Variants in MAP3K7CL observed in about 807,000 individuals in gnomAD.
The protein encoded by MAP3K7CL is MAP3K7 C-terminal-like protein.
In MAP3K7CL, 16 loss-of-function variants were observed where a neutral mutation model predicts 18.6. That is an observed-to-expected ratio of 0.86 (90% CI 0.58 to 1.31). MAP3K7CL has a LOEUF of 1.31. Among genes scored for constraint, MAP3K7CL ranks in the 50% most tolerant of loss-of-function variants. MAP3K7CL has a pLI of 0.00. For missense variants in MAP3K7CL, 163 were observed against 174.4 expected, an observed-to-expected ratio of 0.93 and a Z score of 0.37; for synonymous variants, 65 against 66.8, an observed-to-expected ratio of 0.97 and a Z score of 0.13.
rs115763148 is a variant in MAP3K7CL at position 29,079,466 on chromosome 21, A to G, written c.-49+1753A>G. ...TCTCTCAGCTTCCCCATACTGTCTC[A>G]CCACTCCCCCCAGAAAGGTCTCTAC... On this transcript the variant is annotated intron_variant, in intron 1 of 7. Transcript: ENST00000341618. 5.8e-3 allele frequency among the ~76,000 whole-genome samples: 880 copies of G among 152,250 alleles called. 6 individuals carry two copies. Among genetic ancestry groups the G allele is most frequent in the African/African-American group, 0.02 (819 of 41,530 alleles).
chr21:29,138,213 C>T (rs750711495), intron 2 of MAP3K7CL, among the ~76,000 whole-genome samples: 3 of 152,178 alleles, frequency 2.0e-5, no homozygotes, highest in Non-Finnish European at 2.9e-5. Context: ...CCATTTTCAG[C>T]CTATCATCAG....
chr21:29,165,697 G>C (rs1396540243), intron 4 of MAP3K7CL, among the ~76,000 whole-genome samples: 1 of 152,076 alleles, frequency 6.6e-6, no homozygotes, highest in African/African-American at 2.4e-5. Context: ...TCAGCTCCCC[G>C]AGTAGCTGGG....
chr21:29,142,638 C>T (rs1450502396), intron 2 of MAP3K7CL, among the ~76,000 whole-genome samples: 1 of 152,206 alleles, frequency 6.6e-6, no homozygotes. Flanking sequence ...CTCCACATTA[C>T]TCCTTTGGTT....
At chr21:29,152,654 C>A (rs1489815052) in intron 3 of MAP3K7CL, among the ~76,000 whole-genome samples, 5 of 152,076 alleles carry the variant, frequency 3.3e-5, no homozygotes, top group African/African-American at 1.2e-4. Context: ...GGATTTAAAT[C>A]CCACCGAAGC....
At chr21:29,113,333 T>C (rs2086451627) in intron 4 of MAP3K7CL, among the ~76,000 whole-genome samples, 1 of 152,228 alleles carries the variant, frequency 6.6e-6, no homozygotes, top group African/African-American at 2.4e-5. Flanking sequence ...TTCTTCCAAC[T>C]CATGCAATAT....
chr21:29,084,046 TA>T (rs1193162792), upstream of MAP3K7CL, among the ~76,000 whole-genome samples: 1 of 147,890 alleles, frequency 6.8e-6, no homozygotes, highest in Non-Finnish European at 1.5e-5. Context: ...TTATATATAA[TA>T]TTATATGTAT....
At chr21:29,094,187 A>G (rs115038930) in intron 4 of MAP3K7CL, among the ~76,000 whole-genome samples, 1,622 of 152,340 alleles carry the variant, frequency 0.011, 38 homozygotes, top group African/African-American at 0.037. Context: ...TGGTACAAGA[A>G]TCTAGTAGCT....
chr21:29,127,556 A>C (rs2086700557), upstream of MAP3K7CL: 1 of 152,260 alleles, frequency 6.6e-6, no homozygotes, highest in Non-Finnish European at 1.5e-5. Context: ...GGTAAATGTT[A>C]ATTGTGACTG....
intron 4 of MAP3K7CL, among the ~76,000 whole-genome samples, chr21:29,110,698 A>G (rs2146558268): frequency 6.6e-6 from 1 of 152,120 alleles, no homozygotes; most frequent in African/African-American, 2.4e-5. Context: ...ACACTCGGCC[A>G]TCTCTGTACC....
chr21:29,113,327 TC>T (rs1339474684), intron 4 of MAP3K7CL, among the ~76,000 whole-genome samples: 2 of 152,256 alleles, frequency 1.3e-5, no homozygotes, highest in African/African-American at 2.4e-5. Context: ...CTTCCTTTCT[TC>T]CAACTCATGC....
At chr21:29,099,333 G>A (rs1475477846) in intron 4 of MAP3K7CL, among the ~76,000 whole-genome samples, 1 of 142,380 alleles carries the variant, frequency 7.0e-6, no homozygotes, top group Non-Finnish European at 1.5e-5. Flanking sequence ...TTGAACTTCC[G>A]GGTTCAAGCC....
At chr21:29,086,700 T>G (rs1319385242) in intron 1 of MAP3K7CL, among the ~76,000 whole-genome samples, 1 of 152,220 alleles carries the variant, frequency 6.6e-6, no homozygotes, top group East Asian at 1.9e-4. Context: ...GGCCAGGTGG[T>G]GATTGGCAAT....
chr21:29,164,087 G>A lies in MAP3K7CL; in HGVS notation c.248+4031G>A, dbSNP rs1460231235. Among the ~76,000 whole-genome samples, 3 of 149,052 alleles carry A rather than the reference G, an allele frequency of 2.0e-5. No homozygotes were observed. The South Asian group carries it at 6.4e-4, about 32-fold the overall frequency. On this transcript the variant is annotated intron_variant, in intron 4 of 4. Coordinates refer to ENST00000399928, the MANE Select transcript of MAP3K7CL (RefSeq NM_001286620.2). ...TGCACTCCAGCCCGGGTGACAGTGCGAGACTCCATTTAAAAAAAAAAAACA... is the reference window on the plus strand; with the variant it reads ...TGCACTCCAGCCCGGGTGACAGTGCAAGACTCCATTTAAAAAAAAAAAACA...
At chr21:29,077,251 C>T (rs904686714), upstream of MAP3K7CL, among the ~76,000 whole-genome samples, 15 of 152,232 alleles carry the variant, frequency 9.9e-5, no homozygotes, top group African/African-American at 3.6e-4. Context: ...CAGCGGGCGG[C>T]GCTCGTCGCG....
intron 4 of MAP3K7CL, among the ~76,000 whole-genome samples, chr21:29,116,595 A>G (rs1036582729): frequency 6.6e-6 from 1 of 152,196 alleles, no homozygotes. Context: ...AAATTTTCCT[A>G]AAGTCTTCCT....
chr21:29,171,823 A>C (rs1051105472), intron 4 of MAP3K7CL, among the ~76,000 whole-genome samples: 2 of 151,518 alleles, frequency 1.3e-5, no homozygotes, highest in Non-Finnish European at 2.9e-5. Flanking sequence ...AAAAAAAAAA[A>C]AAAAAACAAC....
intron 1 of MAP3K7CL, among the ~76,000 whole-genome samples, chr21:29,088,628 T>C (rs2085966997): frequency 6.6e-6 from 1 of 152,232 alleles, no homozygotes; most frequent in African/African-American, 2.4e-5. Flanking sequence ...GCTGTATTTC[T>C]TAAAGCTATT....
upstream of MAP3K7CL, among the ~76,000 whole-genome samples, chr21:29,128,774 A>G (rs1006494139): frequency 2.6e-5 from 4 of 152,224 alleles, no homozygotes; most frequent in African/African-American, 9.6e-5. Context: ...CGGGATGGCA[A>G]TACTGACAAA....
intron 4 of MAP3K7CL, among the ~76,000 whole-genome samples, chr21:29,093,551 G>C (rs371179066): frequency 6.6e-6 from 1 of 151,740 alleles, no homozygotes; most frequent in Non-Finnish European, 1.5e-5. Flanking sequence ...GCGTGATCTC[G>C]GCTCACTGCA....
Sources: gnomAD v4.1 joint callset for allele counts (sites outside exome capture counted in the v4.1 genomes callset) on GRCh38, gnomAD v4.1.1 for gene constraint, MANE v1.5 for transcripts, NCBI Gene and HGNC (gene_info 2026-07-23, HGNC 2026-07-21) for gene names.